Variants in SLITRK5 observed in about 807,000 individuals in gnomAD.
The protein encoded by SLITRK5 is SLIT and NTRK like family member 5.
Under a neutral mutation model 56.2 loss-of-function variants are expected in SLITRK5, and 23 were observed. The observed-to-expected ratio is 0.41, with a 90% CI of 0.29 to 0.58. The LOEUF is 0.58. Among genes scored for constraint, SLITRK5 ranks in the 20% least tolerant of loss-of-function variants. The probability of loss-of-function intolerance (pLI) is 0.30; values close to 1 mark genes in which losing one functional copy is unlikely to be tolerated. For missense variants in SLITRK5, 1,289 were observed against 1,226.6 expected (o/e 1.05, Z -0.76); for synonymous variants, 637 against 531.8 (o/e 1.20, Z -2.72).
At chr13:87,674,207 G>A (rs950911261) in intron 1 of SLITRK5, among the ~76,000 whole-genome samples, 1 of 152,076 alleles carries the variant, frequency 6.6e-6, no homozygotes, top group Non-Finnish European at 1.5e-5. Flanking sequence ...ACTGACCTAA[G>A]TCGCTTACAG....
Position 87,676,162 on chromosome 13 carries a change from G to A in SLITRK5, c.774G>A (p.Leu258=), listed in dbSNP as rs764890379. 2.5e-6 allele frequency: 4 copies of A among 1,614,070 alleles called. No individual in the cohort carries two copies. In the Admixed American group the frequency reaches 5.0e-5, roughly 20 times the overall value. The change falls in exon 2 of 2, where the codon CTG becomes CTA. Residue 258 remains leucine (L), a synonymous_variant. Transcript: ENST00000683689. ...DWLDSISYSA[L]VGDVVCETPF... is the part of the protein sequence containing the mutation. ...TGGACAGCATCTCCTATTCAGCCCT[G>A]GTGGGGGATGTAGTTTGTGAGACCC...
chr13:87,677,974 C>A lies in SLITRK5; in HGVS notation c.2586C>A (p.Asp862Glu), dbSNP rs1877370354. The A allele has an allele frequency of 1.2e-6, 2 of 1,614,018 alleles. No individual in the cohort carries two copies. The highest frequency in any genetic ancestry group is 1.7e-6 in the Non-Finnish European group (2 of 1,179,918). ...DRFYRGILEP[D>E]KHCSTTPAGN... ...TTTACAGGGGCATTTTAGAACCAGA[C>A]AAACACTGCTCCACCACCCCCGCCG... Residue 862 changes from aspartate (D) to glutamate (E), a missense_variant, in exon 2 of 2, where the codon GAC becomes GAA. By Grantham distance (45) the Asp-to-Glu change is conservative. Around this residue, in one of 3 missense-constraint regions of SLITRK5, gnomAD observed 985 missense variants for 906.0 expected, o/e 1.09. Coordinates refer to ENST00000683689, the MANE Select transcript of SLITRK5 (RefSeq NM_001384609.1). This position sits in a 1 kb window ranked among gnomAD's most constrained non-coding sequence, Gnocchi z 4.7.
rs1877283873 is a variant in SLITRK5 at position 87,676,532 on chromosome 13, C to G, written c.1144C>G (p.Leu382Val). The change falls in exon 2 of 2, where the codon CTG (leucine) becomes GTG (valine). Residue 382 changes from leucine (L) to valine (V), a missense_variant. This residue lies in a region of SLITRK5 where 985 missense variants were observed against 906.0 expected (regional missense o/e 1.09). Transcript: ENST00000683689. Reference protein sequence around the residue: ...LECPTACSCNLQISDLGLNVN... With the variant: ...LECPTACSCNVQISDLGLNVN... ...GTGTCCCACCGCGTGCTCTTGCAAC[C>G]TGCAGATCTCTGATCTGGGCCTCAA... The G allele has an allele frequency of 6.2e-7, 1 of 1,614,140 alleles. No homozygotes were observed. Among genetic ancestry groups the G allele is most frequent in the Non-Finnish European group, 8.5e-7 (1 of 1,180,026 alleles).
rs1386828473 is a variant in SLITRK5 at position 87,676,102 on chromosome 13, T to A, written c.714T>A (p.Asn238Lys). Residue 238 changes from asparagine to lysine, a missense_variant, in exon 2 of 2, where the codon AAT (asparagine) becomes AAA (lysine). Physicochemically the swap from Asn to Lys is moderately conservative, Grantham distance 94 (BLOSUM62 0). Around this residue, in one of 3 missense-constraint regions of SLITRK5, gnomAD observed 291 missense variants for 286.7 expected, o/e 1.02. Coordinates refer to ENST00000683689, the MANE Select transcript of SLITRK5 (RefSeq NM_001384609.1). ...VELQLEENPW[N>K]CSCELISLKD... ...TACAGCTGGAGGAAAACCCTTGGAA[T>A]TGTTCTTGTGAGCTGATCTCTCTAA... The A allele has an allele frequency of 1.2e-6, 2 of 1,613,982 alleles. No individual in the cohort carries two copies. The highest frequency in any genetic ancestry group is 2.7e-5 in the African/African-American group (2 of 74,916).
Position 87,679,236 on chromosome 13 carries a change from T to A in SLITRK5, c.*971T>A, listed in dbSNP as rs1190131776. 1 of 167,076 alleles carries A rather than the reference T, an allele frequency of 6.0e-6. No individual in the cohort carries two copies. 10.3% of individuals were successfully genotyped at this position (167,076 alleles called of 1,614,324 possible). The stretch of plus-strand genomic sequence containing the variant: ...GAGCTGATTGTATCCCAATGTATTT[T>A]AAAAAATAGGGCAATTGATTGGGCC... On this transcript the variant is annotated 3_prime_UTR_variant, in exon 2 of 2. Transcript: ENST00000683689.
Position 87,678,090 on chromosome 13 carries a change from ATT to A in SLITRK5, c.2704_2705del (p.Leu902AlafsTer40), listed in dbSNP as rs779061822. On this transcript the variant is annotated frameshift_variant, in exon 2 of 2. Transcript: ENST00000683689. ...TATGACCTGAGACGCCCCCATCAGT[ATT>A]TGCACCCGGGGGCAGGGGACAGCAG... The A allele has an allele frequency of 6.2e-7, 1 of 1,614,182 alleles. No individual in the cohort carries two copies. Among genetic ancestry groups the A allele is most frequent in the Non-Finnish European group, 8.5e-7 (1 of 1,180,024 alleles).
Position 87,678,136 on chromosome 13 carries a change from C to G in SLITRK5, c.2748C>G (p.Leu916=), listed in dbSNP as rs1006684694. ...ACAGCAGGCTACGGGAACCGGTGCT[C>G]TACAGCCCCCCGAGTGCTGTCTTTG... ...AGDSRLREPV[L]YSPPSAVFVE... Residue 916 remains leucine, a synonymous_variant, in exon 2 of 2, where the codon CTC becomes CTG. Transcript: ENST00000683689. The G allele has an allele frequency of 6.2e-7, 1 of 1,614,246 alleles. No individual in the cohort carries two copies. The highest frequency in any genetic ancestry group is 8.5e-7 in the Non-Finnish European group (1 of 1,180,050).
rs1194804309 is a variant in SLITRK5, at chr13:87,678,037, C to T, written c.2649C>T (p.Ser883=). 6.2e-7 allele frequency: 1 copy of T among 1,614,126 alleles called. No individual in the cohort carries two copies. The highest frequency in any genetic ancestry group is 8.5e-7 in the Non-Finnish European group (1 of 1,179,948). Residue 883 remains serine, a synonymous_variant, in exon 2 of 2, where the codon AGC becomes AGT. Coordinates refer to ENST00000683689, the MANE Select transcript of SLITRK5 (RefSeq NM_001384609.1). The part of the protein sequence containing the change: ...SLPEYPKFPC[S]PAAYTFSPNY... ...CGGAATATCCCAAATTCCCGTGCAG[C>T]CCCGCTGCTTACACTTTCTCCCCCA...
Position 87,676,907 on chromosome 13 carries a change from C to G in SLITRK5, c.1519C>G (p.Leu507Val), listed in dbSNP as rs755968029. The G allele has an allele frequency of 3.7e-6, 6 of 1,614,152 alleles. No individual in the cohort carries two copies. The South Asian group carries it at 6.6e-5, about 18-fold the overall frequency. Residue 507 changes from leucine to valine, a missense_variant, in exon 2 of 2, where the codon CTC becomes GTC. Leu to Val is a conservative substitution (Grantham distance 32). This residue lies in a region of SLITRK5 where 985 missense variants were observed against 906.0 expected (regional missense o/e 1.09). Transcript: ENST00000683689. Reference protein sequence around the residue: ...QSGTFDPVPNLQLLFLNNNLL... With the variant: ...QSGTFDPVPNVQLLFLNNNLL... ...TGGAACTTTTGACCCGGTCCCAAAC[C>G]TCCAGCTGCTATTCTTGAATAACAA...
In SLITRK5 at chr13:87,678,114, G is replaced by T; in HGVS notation, c.2726G>T (p.Ser909Ile). 1 of 1,614,208 alleles carries T rather than the reference G, an allele frequency of 6.2e-7. No homozygotes were observed. The highest frequency in any genetic ancestry group is 8.5e-7 in the Non-Finnish European group (1 of 1,180,046). ...HQYLHPGAGDSRLREPVLYSP... is the reference protein window; with the variant it reads ...HQYLHPGAGDIRLREPVLYSP... Reference sequence around the variant, plus strand: ...TATTTGCACCCGGGGGCAGGGGACAGCAGGCTACGGGAACCGGTGCTCTAC... The same window carrying T: ...TATTTGCACCCGGGGGCAGGGGACATCAGGCTACGGGAACCGGTGCTCTAC... The change falls in exon 2 of 2, where the codon AGC (serine) becomes ATC (isoleucine). Residue 909 changes from serine (S) to isoleucine (I), a missense_variant. Physicochemically the swap from Ser to Ile is moderately radical, Grantham distance 142 (BLOSUM62 -2). Transcript: ENST00000683689.
Position 87,678,315 on chromosome 13 carries a change from C to T in SLITRK5, c.*50C>T. On this transcript the variant is annotated 3_prime_UTR_variant, in exon 2 of 2. Coordinates refer to ENST00000683689, the MANE Select transcript of SLITRK5 (RefSeq NM_001384609.1). ...TTTGCATTTAAAACAAACAAGCAAG[C>T]AGACACACACAGTGAACACATTTGA... 6.8e-7 allele frequency: 1 copy of T among 1,460,866 alleles called. No individual in the cohort carries two copies. The highest frequency in any genetic ancestry group is 9.4e-7 in the Non-Finnish European group (1 of 1,069,488). 90.5% of individuals were successfully genotyped at this position (1,460,866 alleles called of 1,614,324 possible).
chr13:87,678,699 G>T lies in SLITRK5; in HGVS notation c.*434G>T. On this transcript the variant is annotated 3_prime_UTR_variant, in exon 2 of 2. Coordinates refer to ENST00000683689, the MANE Select transcript of SLITRK5 (RefSeq NM_001384609.1). ...TTCTCCCCTTTTAAGCCATGGGTGGGTCTAACTGGCTTTTGTGGAGAAATT... is the reference window on the plus strand; with the variant it reads ...TTCTCCCCTTTTAAGCCATGGGTGGTTCTAACTGGCTTTTGTGGAGAAATT... 1 of 172,962 alleles carries T rather than the reference G, an allele frequency of 5.8e-6. No individual in the cohort carries two copies. The highest frequency in any genetic ancestry group is 1.4e-5 in the Non-Finnish European group (1 of 73,210). 10.7% of individuals were successfully genotyped at this position (172,962 alleles called of 1,614,324 possible).
Position 87,676,791 on chromosome 13 carries a change from G to C in SLITRK5, c.1403G>C (p.Arg468Thr), listed in dbSNP as rs763157525. 1 of 1,614,132 alleles carries C rather than the reference G, an allele frequency of 6.2e-7. No homozygotes were observed. Among genetic ancestry groups the C allele is most frequent in the South Asian group, 1.1e-5 (1 of 91,086 alleles). The change falls in exon 2 of 2, where the codon AGG becomes ACG. Residue 468 changes from arginine (R) to threonine (T), a missense_variant. By Grantham distance (71) the Arg-to-Thr change is moderately conservative. Transcript: ENST00000683689. ...NLRRLYLNGN[R>T]IERLSPELFY... ...AGGCGCCTCTACCTGAATGGCAACA[G>C]GATCGAGAGGCTGAGCCCGGAGTTA...
intron 1 of SLITRK5, chr13:87,672,816 G>A (rs1877092396): frequency 1.3e-5 from 2 of 156,730 alleles, no homozygotes; most frequent in Admixed American, 6.5e-5. Flanking sequence ...CCTTGGAGAT[G>A]TGAGACTGGG....
At position 87,672,069 on chromosome 13, in the gene SLITRK5, G is replaced by T. The variant is rs546517978; in HGVS notation, c.-149G>T. On this transcript the variant is annotated 5_prime_UTR_variant, in exon 1 of 2. Transcript: ENST00000683689. ...GACCAGGGGGGAATGTGGTGAAGAC[G>T]GCGAGGAGGAGAGCCGAGGGGGGAG... Among the ~76,000 whole-genome samples, 4 of 152,242 alleles carry T rather than the reference G, an allele frequency of 2.6e-5. No individual in the cohort carries two copies. The highest frequency in any genetic ancestry group is 9.6e-5 in the African/African-American group (4 of 41,560).
At position 87,677,203 on chromosome 13, in the gene SLITRK5, C is replaced by T. The variant is rs1877315866; in HGVS notation, c.1815C>T (p.Ser605=). The T allele has an allele frequency of 6.2e-7, 1 of 1,614,184 alleles. No homozygotes were observed. Among genetic ancestry groups the T allele is most frequent in the African/African-American group, 1.3e-5 (1 of 75,060 alleles). The change falls in exon 2 of 2, where the codon TCC becomes TCT. Residue 605 remains serine, a synonymous_variant. Transcript: ENST00000683689. This position sits in a 1 kb window ranked among gnomAD's most constrained non-coding sequence, Gnocchi z 4.7. The stretch of plus-strand genomic sequence containing the variant: ...AATTCGCTGAGACCGACATGCGCTC[C>T]ATTAAGTCGGAGCTGCTGTGCCCTG... ...PKKFAETDMR[S]IKSELLCPDY... is the part of the protein sequence containing the mutation.
intron 1 of SLITRK5, chr13:87,673,502 A>T: frequency 1.7e-6 from 1 of 597,092 alleles, no homozygotes; most frequent in Non-Finnish European, 2.4e-6. Context: ...AAGCACAGGG[A>T]GGGAGGGGGA....
chr13:87,677,403 T>G lies in SLITRK5; in HGVS notation c.2015T>G (p.Leu672Arg). 1 of 1,613,888 alleles carries G rather than the reference T, an allele frequency of 6.2e-7. No homozygotes were observed. Among genetic ancestry groups the G allele is most frequent in the Non-Finnish European group, 8.5e-7 (1 of 1,179,996 alleles). ...TCTGTGTTAATTCTCAGCCTCCTGC[T>G]GGTTTTCATCATGTCCGTCTTCGTG... The part of the protein sequence containing the change: ...PLSVLILSLL[L>R]VFIMSVFVAA... The change falls in exon 2 of 2, where the codon CTG becomes CGG. Residue 672 changes from leucine to arginine, a missense_variant. Physicochemically the swap from Leu to Arg is moderately radical, Grantham distance 102. Around this residue, in one of 3 missense-constraint regions of SLITRK5, gnomAD observed 985 missense variants for 906.0 expected, o/e 1.09. Transcript: ENST00000683689. This position sits in a 1 kb window ranked among gnomAD's most constrained non-coding sequence, Gnocchi z 4.7.
rs781576062 is a variant in SLITRK5, at chr13:87,673,526, C to T, written c.-9+1317C>T. On this transcript the variant is annotated intron_variant, in intron 1 of 1. Transcript: ENST00000683689. Reference sequence around the variant, plus strand: ...GAGGGAGGGGGAGGGGACCCAACCTCGCTGAATGGATGTGCGGATTTGATC... The same window carrying T: ...GAGGGAGGGGGAGGGGACCCAACCTTGCTGAATGGATGTGCGGATTTGATC... The T allele has an allele frequency of 3.1e-6, 4 of 1,279,976 alleles. 1 individual carries two copies. In the South Asian group the frequency reaches 3.7e-5, roughly 12 times the overall value. 79.3% of individuals were successfully genotyped at this position (1,279,976 alleles called of 1,614,324 possible). A position where few individuals can be genotyped will look rare whatever the true frequency, so the allele number is the denominator to read the frequency against.
Sources: gnomAD v4.1 joint callset for allele counts (sites outside exome capture counted in the v4.1 genomes callset) on GRCh38, gnomAD v4.1.1 for gene constraint, gnomAD v4.1.1 regional missense constraint, Gnocchi (gnomAD v3.1) non-coding constraint, MANE v1.5 for transcripts, NCBI Gene and HGNC (gene_info 2026-07-23, HGNC 2026-07-21) for gene names.